CREB5: variants seen among roughly 807,000 people sequenced by gnomAD.
CREB5 encodes cyclic AMP-responsive element-binding protein 5.
Under a neutral mutation model 57.1 loss-of-function variants are expected in CREB5, and 19 were observed. That is an observed-to-expected ratio of 0.33 (90% CI 0.23 to 0.49). The LOEUF (loss-of-function observed/expected upper bound fraction) is 0.49, where lower values mean the gene tolerates loss of function less well. Ranked by LOEUF, CREB5 falls within the 20% of genes least tolerant of loss-of-function variation. The probability of loss-of-function intolerance (pLI) is 0.99; values close to 1 mark genes in which losing one functional copy is unlikely to be tolerated. For synonymous variants in CREB5, 238 were observed against 238.3 expected (o/e 1.00, Z 0.01); for missense variants, 579 against 671.6 (o/e 0.86, Z 1.52).
chr7:28,670,262 T>C (rs1257690143), intron 5 of CREB5, among the ~76,000 whole-genome samples: 1 of 152,342 alleles, frequency 6.6e-6, no homozygotes, highest in East Asian at 1.9e-4. Flanking sequence ...ATTATAGCAA[T>C]ATACTGTGAT....
At chr7:28,676,967 A>G (rs1185690471) in intron 5 of CREB5, among the ~76,000 whole-genome samples, 2 of 152,196 alleles carry the variant, frequency 1.3e-5, no homozygotes, top group African/African-American at 4.8e-5. Flanking sequence ...GACTGTTCAG[A>G]TGGGTGTTAT....
intron 1 of CREB5, chr7:28,435,660 T>C (rs1359699963): frequency 1.2e-5 from 12 of 985,208 alleles, no homozygotes; most frequent in Admixed American, 6.2e-5. Context: ...CTCATTTACC[T>C]GAATGAGGAG....
At chr7:28,712,532 T>A (rs539814548) in intron 5 of CREB5, among the ~76,000 whole-genome samples, 23 of 148,772 alleles carry the variant, frequency 1.5e-4, no homozygotes, top group Non-Finnish European at 3.1e-4. Context: ...AATTTATTAT[T>A]ATTATTATTA....
At chr7:28,537,862 A>G (rs1289055879) in intron 4 of CREB5, among the ~76,000 whole-genome samples, 1 of 152,188 alleles carries the variant, frequency 6.6e-6, no homozygotes, top group Non-Finnish European at 1.5e-5. Context: ...GTTTCTACCC[A>G]CATACATACT....
chr7:28,805,835 G>T (rs1367372269), intron 8 of CREB5, among the ~76,000 whole-genome samples: 2 of 152,198 alleles, frequency 1.3e-5, no homozygotes, highest in Admixed American at 6.5e-5. Flanking sequence ...TAAACTCCTA[G>T]GCTCTTATGA....
chr7:28,744,164 T>C (rs1470821978), intron 7 of CREB5, among the ~76,000 whole-genome samples: 2 of 148,272 alleles, frequency 1.3e-5, no homozygotes, highest in African/African-American at 5.0e-5. Flanking sequence ...TCCATGTCCC[T>C]ACAAAGGATA....
intron 7 of CREB5, among the ~76,000 whole-genome samples, chr7:28,760,213 CACA>C (rs1056181928): frequency 1.2e-4 from 19 of 152,260 alleles, no homozygotes; most frequent in African/African-American, 4.6e-4. Flanking sequence ...TTTATTAGAA[CACA>C]ACATTACCTA....
chr7:28,684,251 T>C (rs990981453), intron 5 of CREB5, among the ~76,000 whole-genome samples: 1 of 152,174 alleles, frequency 6.6e-6, no homozygotes, highest in South Asian at 2.1e-4. Flanking sequence ...GACCAAACTT[T>C]ATAACAACCA....
At chr7:28,557,252 G>A (rs1038695352) in intron 4 of CREB5, among the ~76,000 whole-genome samples, 12 of 152,172 alleles carry the variant, frequency 7.9e-5, no homozygotes, top group Non-Finnish European at 2.9e-5. Context: ...CTGTTTGAGT[G>A]CAATTTTAAC....
chr7:28,400,836 T>C (rs562972592), intron 1 of CREB5, among the ~76,000 whole-genome samples: 1 of 152,316 alleles, frequency 6.6e-6, no homozygotes, highest in South Asian at 2.1e-4. Context: ...AAATATGTGG[T>C]TAATGATGAT....
intron 1 of CREB5, among the ~76,000 whole-genome samples, chr7:28,397,756 C>T (rs923667575): frequency 6.6e-6 from 1 of 152,170 alleles, no homozygotes; most frequent in African/African-American, 2.4e-5. Context: ...CTATGAACCA[C>T]TGAAAGCCTG....
chr7:28,320,078 G>A (rs1023042912), intron 1 of CREB5, among the ~76,000 whole-genome samples: 6 of 151,898 alleles, frequency 4.0e-5, no homozygotes, highest in African/African-American at 9.7e-5. Flanking sequence ...CTACAGCTGC[G>A]TGCCACCATG....
At chr7:28,617,729 A>G (rs1487592329) in intron 5 of CREB5, among the ~76,000 whole-genome samples, 1 of 152,240 alleles carries the variant, frequency 6.6e-6, no homozygotes, top group Non-Finnish European at 1.5e-5. Context: ...AAACAACCTT[A>G]AAGAATAATA....
chr7:28,653,016 G>A (rs41331), intron 5 of CREB5, among the ~76,000 whole-genome samples: 3,046 of 152,288 alleles, frequency 0.02, 106 homozygotes, highest in African/African-American at 0.07. Context: ...ACAGACATGA[G>A]TGAAATTAAA....
At chr7:28,685,587 C>T (rs1800838954) in intron 5 of CREB5, among the ~76,000 whole-genome samples, 1 of 152,012 alleles carries the variant, frequency 6.6e-6, no homozygotes, top group Non-Finnish European at 1.5e-5. Flanking sequence ...ACCTTCCAAC[C>T]TGCCATCTTT....
intron 9 of CREB5, among the ~76,000 whole-genome samples, chr7:28,812,013 G>A (rs951635037): frequency 2.6e-5 from 4 of 152,188 alleles, no homozygotes; most frequent in Non-Finnish European, 5.9e-5. Context: ...TGCATTGCAG[G>A]CTATTTAGCA....
intron 1 of CREB5, among the ~76,000 whole-genome samples, chr7:28,357,202 C>T (rs970611886): frequency 6.6e-6 from 1 of 152,304 alleles, no homozygotes; most frequent in East Asian, 1.9e-4. Flanking sequence ...TTAAATCTCA[C>T]CTTGCTGATG....
At chr7:28,497,546 G>A (rs1012311692) in intron 3 of CREB5, among the ~76,000 whole-genome samples, 3 of 152,186 alleles carry the variant, frequency 2.0e-5, no homozygotes, top group Non-Finnish European at 2.9e-5. Flanking sequence ...TGAGGTTGGT[G>A]TGAGGCCATT....
intron 1 of CREB5, among the ~76,000 whole-genome samples, chr7:28,421,564 G>A (rs1484351826): frequency 6.6e-6 from 1 of 151,992 alleles, no homozygotes; most frequent in Non-Finnish European, 1.5e-5. Context: ...TGTGTGTGAT[G>A]TGATTTTGAC....
Sources: allele counts gnomAD v4.1 joint callset (sites outside exome capture counted in the v4.1 genomes callset), GRCh38; gene constraint gnomAD v4.1.1; transcripts MANE v1.5; gene names NCBI Gene and HGNC (gene_info 2026-07-23, HGNC 2026-07-21).